The following DGKI variants were observed in gnomAD, a reference collection of about 807,000 sequenced individuals.
DGKI encodes the protein diacylglycerol kinase iota, also known as DAG kinase iota.
DGKI carries 55 observed loss-of-function variants against 147.5 expected under a neutral mutation model. The observed-to-expected ratio is 0.37, with a 90% confidence interval of 0.30 to 0.47. The LOEUF (loss-of-function observed/expected upper bound fraction) is 0.47. Among genes scored for constraint, DGKI ranks in the 20% least tolerant of loss-of-function variants. DGKI has a pLI of 1.00. For synonymous variants in DGKI, 469 were observed against 477.1 expected, an observed-to-expected ratio of 0.98 and a Z score of 0.22; for missense variants, 1,007 against 1,323.8, an observed-to-expected ratio of 0.76 and a Z score of 3.71.
intron 5 of DGKI, among the ~76,000 whole-genome samples, chr7:137,649,768 T>G (rs1005776826): frequency 4.1e-5 from 6 of 147,402 alleles, no homozygotes; most frequent in African/African-American, 5.0e-5. Flanking sequence ...ATTTTATATA[T>G]ATATGTATAT....
chr7:137,723,405 A>G (rs774042794), intron 1 of DGKI, among the ~76,000 whole-genome samples: 1 of 152,220 alleles, frequency 6.6e-6, no homozygotes, highest in African/African-American at 2.4e-5. Flanking sequence ...CTGTCAAAAT[A>G]AAAAGCCACG....
chr7:137,465,008 C>T (rs1189762369), intron 26 of DGKI, among the ~76,000 whole-genome samples: 2 of 152,130 alleles, frequency 1.3e-5, no homozygotes, highest in African/African-American at 4.8e-5. Flanking sequence ...ACCTGGCACA[C>T]AAAATTCTCT....
intron 1 of DGKI, among the ~76,000 whole-genome samples, chr7:137,793,383 C>T (rs541226221): frequency 1.4e-4 from 22 of 152,146 alleles, no homozygotes; most frequent in African/African-American, 5.3e-4. Flanking sequence ...TCACTGCAAC[C>T]TCCACCTCCC....
chr7:137,678,608 G>A lies in DGKI; in HGVS notation c.555C>T (p.Val185=), dbSNP rs1431701708. ...CTCCAAGGTAGCAGAGGTCTCCCGA[G>A]ACGTTGGTCTCCAGCCACAGGTGTT... ...NGEHLWLETN[V]SGDLCYLGEE... Residue 185 remains valine (V), a synonymous_variant, in exon 3 of 33, where the codon GTC becomes GTT. Transcript: ENST00000614521. The A allele has an allele frequency of 1.2e-6, 2 of 1,614,144 alleles. No homozygotes were observed. Among genetic ancestry groups the A allele is most frequent in the East Asian group, 4.5e-5 (2 of 44,870 alleles).
At chr7:137,402,636 C>A (rs1221149544) in intron 30 of DGKI, among the ~76,000 whole-genome samples, 1 of 152,194 alleles carries the variant, frequency 6.6e-6, no homozygotes, top group Non-Finnish European at 1.5e-5. Context: ...GCCTCCAAAT[C>A]CCCTTTGCTA....
intron 1 of DGKI, among the ~76,000 whole-genome samples, chr7:137,795,835 T>C (rs1797008118): frequency 6.6e-6 from 1 of 152,164 alleles, no homozygotes; most frequent in East Asian, 1.9e-4. Context: ...AAGTTATTGG[T>C]TGAATAAATT....
At chr7:137,496,326 A>G (rs907317919) in intron 21 of DGKI, among the ~76,000 whole-genome samples, 2 of 152,140 alleles carry the variant, frequency 1.3e-5, no homozygotes, top group Non-Finnish European at 1.5e-5. Flanking sequence ...AAACAAATAG[A>G]AAAACATTCC....
At chr7:137,825,297 T>C (rs1021460032) in intron 1 of DGKI, among the ~76,000 whole-genome samples, 2 of 152,180 alleles carry the variant, frequency 1.3e-5, no homozygotes, top group Non-Finnish European at 1.5e-5. Flanking sequence ...TTTATAAACC[T>C]AGGCTCCAGA....
chr7:137,617,181 G>T (rs1723113), intron 8 of DGKI, among the ~76,000 whole-genome samples: 148,376 of 148,376 alleles, frequency 1, 74,188 homozygotes, highest in Non-Finnish European at 1. Flanking sequence ...TGAGTCTCTG[G>T]GTCTAAATAT....
chr7:137,458,990 T>C (rs1419924929), intron 27 of DGKI, among the ~76,000 whole-genome samples: 2 of 151,480 alleles, frequency 1.3e-5, no homozygotes, highest in African/African-American at 4.9e-5. Flanking sequence ...ATATTTGTTA[T>C]TATGTTCACA....
chr7:137,447,170 C>G (rs978926122), intron 27 of DGKI, among the ~76,000 whole-genome samples: 3 of 152,062 alleles, frequency 2.0e-5, no homozygotes, highest in African/African-American at 7.2e-5. Context: ...AAAATTCAAG[C>G]CATGCATTTA....
chr7:137,519,637 C>CTT (rs1816896258), intron 21 of DGKI, among the ~76,000 whole-genome samples: 1 of 152,040 alleles, frequency 6.6e-6, no homozygotes, highest in South Asian at 2.1e-4. Context: ...CATATATGGA[C>CTT]TTAAGCTTGC....
At chr7:137,832,250 G>C (rs767943172) in intron 1 of DGKI, among the ~76,000 whole-genome samples, 2 of 152,234 alleles carry the variant, frequency 1.3e-5, no homozygotes, top group Non-Finnish European at 2.9e-5. Context: ...GGGACTCTGA[G>C]TGGGGGCTCT....
intron 27 of DGKI, among the ~76,000 whole-genome samples, chr7:137,450,471 C>T (rs1468334748): frequency 1.3e-5 from 2 of 152,130 alleles, no homozygotes; most frequent in Non-Finnish European, 2.9e-5. Flanking sequence ...GTAATCCCAG[C>T]ACTTTGGGAG....
At chr7:137,541,964 A>G (rs1196963863) in intron 20 of DGKI, among the ~76,000 whole-genome samples, 1 of 152,194 alleles carries the variant, frequency 6.6e-6, no homozygotes. Flanking sequence ...AAAAGACAGG[A>G]TATATACTGG....
intron 1 of DGKI, among the ~76,000 whole-genome samples, chr7:137,740,069 C>T (rs1042800549): frequency 6.6e-6 from 1 of 152,176 alleles, no homozygotes; most frequent in Non-Finnish European, 1.5e-5. Flanking sequence ...CACTGTATTT[C>T]ACAACAATTC....
chr7:137,711,485 AGT>A (rs1217648163), intron 1 of DGKI, among the ~76,000 whole-genome samples: 1 of 152,178 alleles, frequency 6.6e-6, no homozygotes, highest in African/African-American at 2.4e-5. Context: ...GGTGACTAAA[AGT>A]GTTAATTGCA....
At chr7:137,568,133 T>C (rs919166889) in intron 19 of DGKI, among the ~76,000 whole-genome samples, 1 of 152,192 alleles carries the variant, frequency 6.6e-6, no homozygotes, top group African/African-American at 2.4e-5. Context: ...CCTAGATCAG[T>C]GCTGTGATGC....
chr7:137,599,792 T>C, intron 11 of DGKI, 31 bp downstream of exon 11: 1 of 1,603,774 alleles, frequency 6.2e-7, no homozygotes, highest in Admixed American at 1.7e-5. Flanking sequence ...CTAAAATACA[T>C]ATGGACCATG....
Sources: gnomAD v4.1 joint callset for allele counts (sites outside exome capture counted in the v4.1 genomes callset) on GRCh38, gnomAD v4.1.1 for gene constraint, MANE v1.5 for transcripts, NCBI Gene and HGNC (gene_info 2026-07-23, HGNC 2026-07-21) for gene names.